Variants in POU2F3 observed in about 807,000 individuals in gnomAD.
POU2F3 encodes POU class 2 homeobox 3.
A neutral mutation model predicts 59.2 loss-of-function variants in POU2F3; 23 were observed. The observed-to-expected ratio is 0.39, with a 90% CI of 0.28 to 0.55. The LOEUF is 0.55. Ranked by LOEUF, POU2F3 falls within the 20% of genes least tolerant of loss-of-function variation. The pLI is 0.66. For synonymous variants in POU2F3, 190 were observed against 214.6 expected, an observed-to-expected ratio of 0.89 and a Z score of 1.00; for missense variants, 473 against 544.5, an observed-to-expected ratio of 0.87 and a Z score of 1.31.
intron 2 of POU2F3, among the ~76,000 whole-genome samples, chr11:120,267,082 C>T (rs1939855091): frequency 6.6e-6 from 1 of 151,968 alleles, no homozygotes; most frequent in Non-Finnish European, 1.5e-5. Context: ...CCTTTCAACA[C>T]AGCTATTGCG....
At chr11:120,236,661 A>T, upstream of POU2F3, 2 of 1,497,148 alleles carry the variant, frequency 1.3e-6, no homozygotes, top group Non-Finnish European at 1.8e-6. Context: ...CCAGAGCTCA[A>T]AAAACCGGTT....
At chr11:120,312,612 A>T (rs1299458657) in intron 10 of POU2F3, among the ~76,000 whole-genome samples, 5 of 152,144 alleles carry the variant, frequency 3.3e-5, no homozygotes, top group Non-Finnish European at 5.9e-5. Flanking sequence ...AGGCAACATG[A>T]TATTCATTCA....
chr11:120,284,607 C>T (rs1284629760), intron 3 of POU2F3, among the ~76,000 whole-genome samples: 2 of 152,152 alleles, frequency 1.3e-5, no homozygotes, highest in East Asian at 3.8e-4. Context: ...AGCTAATTAT[C>T]CCAAGCCAGA....
chr11:120,274,108 A>AAAGGAAGGAAGGAAGGAAGGAAGG (rs58202053), intron 3 of POU2F3, among the ~76,000 whole-genome samples: 16 of 116,222 alleles, frequency 1.4e-4, no homozygotes, highest in Admixed American at 1.9e-4. Context: ...AGGAAGGAAG[A>AAAGGAAGGAAGGAAGGAAGGAAGG]AAGGAAGGAA....
chr11:120,287,825 A>G (rs923514242), intron 3 of POU2F3, among the ~76,000 whole-genome samples: 2 of 152,338 alleles, frequency 1.3e-5, no homozygotes, highest in Non-Finnish European at 2.9e-5. Flanking sequence ...CCAGAGAGCC[A>G]GTAGCCAACC....
chr11:120,269,047 G>A (rs1402211675), intron 2 of POU2F3, among the ~76,000 whole-genome samples, 163 bp from the exon 3 acceptor site: 6 of 152,268 alleles, frequency 3.9e-5, no homozygotes, highest in Middle Eastern at 3.4e-3. Flanking sequence ...TTCCAAAGGC[G>A]TTTCCAGGAA....
intron 3 of POU2F3, among the ~76,000 whole-genome samples, chr11:120,287,586 T>G (rs551544889): frequency 6.6e-6 from 1 of 152,322 alleles, no homozygotes; most frequent in Admixed American, 6.5e-5. Context: ...TAGAGTCCCT[T>G]GGCTCAAGTC....
At position 120,318,407 on chromosome 11, in the gene POU2F3, T is replaced by G. The variant is rs1419808900; in HGVS notation, c.*15T>G. 1.5e-5 allele frequency: 23 copies of G among 1,582,038 alleles called. No individual in the cohort carries two copies. Among genetic ancestry groups the G allele is most frequent in the Non-Finnish European group, 2.0e-5 (23 of 1,150,754 alleles). ...ACCTCCACTGAGACCAAAAAGTTTC[T>G]CCTACTCCAGCTGGCCCTGTATTCC... On this transcript the variant is annotated 3_prime_UTR_variant, in exon 13 of 13. Transcript: ENST00000543440.
At chr11:120,271,768 A>T (rs1940086628) in intron 3 of POU2F3, among the ~76,000 whole-genome samples, 1 of 152,038 alleles carries the variant, frequency 6.6e-6, no homozygotes, top group African/African-American at 2.4e-5. Context: ...TGCTGCTGGG[A>T]GTGGGCCTTG....
chr11:120,250,726 A>G (rs888683590), intron 2 of POU2F3, among the ~76,000 whole-genome samples: 1 of 152,230 alleles, frequency 6.6e-6, no homozygotes, highest in African/African-American at 2.4e-5. Flanking sequence ...CTGTAATCCC[A>G]GCACTTTGGG....
upstream of POU2F3, among the ~76,000 whole-genome samples, chr11:120,239,804 C>A (rs535021336): frequency 3.0e-4 from 45 of 152,352 alleles, no homozygotes; most frequent in Admixed American, 2.4e-3. Flanking sequence ...CTTCTCCAAA[C>A]ACTCCAACTC....
At chr11:120,315,521 C>T (rs1941762061) in intron 11 of POU2F3, 94 bp downstream of exon 11, 14 of 1,166,246 alleles carry the variant, frequency 1.2e-5, no homozygotes, top group Middle Eastern at 2.2e-4. Flanking sequence ...TCAGGCTTCC[C>T]TAAATGCATT....
At chr11:120,236,669 G>C (rs1034206899), upstream of POU2F3, 3 of 1,502,532 alleles carry the variant, frequency 2.0e-6, no homozygotes, top group South Asian at 2.4e-5. Flanking sequence ...CAAAAAACCG[G>C]TTTCATGGAG....
intron 3 of POU2F3, among the ~76,000 whole-genome samples, chr11:120,295,843 G>A (rs115256241): frequency 4.6e-5 from 7 of 152,248 alleles, no homozygotes; most frequent in African/African-American, 7.2e-5. Flanking sequence ...CATCTCTCCC[G>A]CTTCCTTCTC....
intron 2 of POU2F3, among the ~76,000 whole-genome samples, chr11:120,252,546 G>T (rs956481048): frequency 6.6e-6 from 1 of 152,090 alleles, no homozygotes; most frequent in Non-Finnish European, 1.5e-5. Flanking sequence ...ACCCCACCTT[G>T]TTTCTGCTTT....
rs113895541 is a variant in POU2F3, at chr11:120,280,225, C to A, written c.132+10981C>A. Among the ~76,000 whole-genome samples the A allele has an allele frequency of 1.4e-3, 206 of 152,266 alleles. 5 individuals are homozygous for A. Among genetic ancestry groups the A allele is most frequent in the Non-Finnish European group, 3.4e-4 (23 of 68,006 alleles). ...GGGGAAGTTAATACTATTTATTGAACCTTCAGTTTATAACAGGCAGTGGGT... is the reference window on the plus strand; with the variant it reads ...GGGGAAGTTAATACTATTTATTGAAACTTCAGTTTATAACAGGCAGTGGGT... On this transcript the variant is annotated intron_variant, in intron 3 of 12. Transcript: ENST00000543440.
chr11:120,302,468 C>T, intron 6 of POU2F3, 100 bp downstream of exon 6: 1 of 1,130,136 alleles, frequency 8.8e-7, no homozygotes, highest in East Asian at 2.6e-5. Flanking sequence ...GGCACTAACC[C>T]CTCTGGGGAG....
At chr11:120,304,321 A>G in intron 6 of POU2F3, 1 of 108,522 alleles carries the variant, frequency 9.2e-6, no homozygotes, top group South Asian at 3.7e-4. Flanking sequence ...ACAGAGTGAG[A>G]TCCTGATTCA....
chr11:120,307,360 T>C, intron 8 of POU2F3, 119 bp from the exon 9 acceptor site: 1 of 1,157,088 alleles, frequency 8.6e-7, no homozygotes, highest in Non-Finnish European at 1.2e-6. Context: ...GGGAGGGGAT[T>C]GCTCCTGAAA....
Sources: gnomAD v4.1 joint callset for allele counts (sites outside exome capture counted in the v4.1 genomes callset) on GRCh38, gnomAD v4.1.1 for gene constraint, MANE v1.5 for transcripts, NCBI Gene and HGNC (gene_info 2026-07-23, HGNC 2026-07-21) for gene names.